Variants in RPS6KA3 observed in about 807,000 individuals in gnomAD.
RPS6KA3 encodes the protein ribosomal protein S6 kinase alpha-3.
A neutral mutation model predicts 67.2 loss-of-function variants in RPS6KA3; 4 were observed. The ratio of observed to expected loss-of-function variants is 0.06; its 90% CI spans 0.03 to 0.14. The LOEUF (loss-of-function observed/expected upper bound fraction) is 0.14. Among genes scored for constraint, RPS6KA3 ranks in the 10% least tolerant of loss-of-function variants. The pLI is 1.00. For missense variants in RPS6KA3, 204 were observed against 559.0 expected (o/e 0.36, Z 6.40); for synonymous variants, 182 against 183.7 (o/e 0.99, Z 0.07).
At chrX:20,232,620 C>T (rs1321123594) in intron 2 of RPS6KA3, among the ~76,000 whole-genome samples, 4 of 110,474 alleles carry the variant, frequency 3.6e-5, no homozygotes, top group Admixed American at 9.6e-5. Context: ...AAAAAACTTC[C>T]GTACATACTA....
chrX:20,153,735 T>G lies in RPS6KA3; in HGVS notation c.*1663A>C, dbSNP rs1236994869. 2 of 110,340 alleles carry G rather than the reference T, an allele frequency of 1.8e-5. No individual in the cohort carries two copies. Among genetic ancestry groups the G allele is most frequent in the African/African-American group, 6.6e-5 (2 of 30,184 alleles). The allele number at this position is 110,340 out of a possible 1,213,427, so 9.1% of individuals were successfully genotyped here. ...CCCAGGTTCAAGCGATTCTCCTGCC[T>G]CAGCCTCCTGAGTAGCTAGGATTAC... On this transcript the variant is annotated 3_prime_UTR_variant, in exon 22 of 22. Transcript: ENST00000379565.
Position 20,175,981 on chromosome X carries a change from G to A in RPS6KA3, c.1102+269C>T, listed in dbSNP as rs72620222. 3.0e-3 allele frequency among the ~76,000 whole-genome samples: 329 copies of A among 110,864 alleles called. 8 individuals are homozygous for A. The East Asian group carries it at 0.056, about 19-fold the overall frequency. On this transcript the variant is annotated intron_variant, in intron 13 of 21. Transcript: ENST00000379565. ...CACCTCCCAGGTTCAAGCGATTCTCGTGCCTCAGCCACCCAAGTAGCTGGG... is the reference window on the plus strand; with the variant it reads ...CACCTCCCAGGTTCAAGCGATTCTCATGCCTCAGCCACCCAAGTAGCTGGG...
At chrX:20,242,869 AT>A (rs1603430993) in intron 1 of RPS6KA3, among the ~76,000 whole-genome samples, 1 of 111,352 alleles carries the variant, frequency 9.0e-6, no homozygotes, top group Non-Finnish European at 1.9e-5. Flanking sequence ...AAGATTGGCC[AT>A]GAGTTTGATA....
chrX:20,245,159 G>A (rs773295602), intron 1 of RPS6KA3, among the ~76,000 whole-genome samples: 1 of 112,103 alleles, frequency 8.9e-6, no homozygotes, highest in Admixed American at 9.4e-5. Context: ...GCCTCTCTAA[G>A]TTGTGGTTGC....
chrX:20,237,207 A>G (rs1603430557), intron 1 of RPS6KA3, among the ~76,000 whole-genome samples: 2 of 110,993 alleles, frequency 1.8e-5, no homozygotes, highest in South Asian at 3.8e-4. Context: ...TCCCTCTCCT[A>G]TATTTGTCAT....
intron 10 of RPS6KA3, among the ~76,000 whole-genome samples, chrX:20,183,131 T>C (rs2067885462): frequency 9.0e-6 from 1 of 111,421 alleles, no homozygotes; most frequent in Admixed American, 9.6e-5. Flanking sequence ...TTCTTATTGA[T>C]TGGGGTTCTA....
chrX:20,240,666 T>A (rs2069528461), intron 1 of RPS6KA3: 1 of 160,501 alleles, frequency 6.2e-6, no homozygotes, highest in African/African-American at 3.2e-5. Context: ...TCATACTCAT[T>A]ATACTGAAAA....
chrX:20,232,096 G>T (rs899930351), intron 2 of RPS6KA3, among the ~76,000 whole-genome samples: 2 of 112,111 alleles, frequency 1.8e-5, no homozygotes, highest in African/African-American at 6.5e-5. Context: ...AGAAAAGTTA[G>T]ATTTCTACCT....
intron 2 of RPS6KA3, among the ~76,000 whole-genome samples, chrX:20,219,413 G>C (rs1385018526): frequency 8.9e-6 from 1 of 111,734 alleles, no homozygotes; most frequent in Non-Finnish European, 1.9e-5. Flanking sequence ...ATAACTATAG[G>C]TAGAAAATGA....
At chrX:20,196,508 T>C (rs186566769) in intron 4 of RPS6KA3, among the ~76,000 whole-genome samples, 69 of 112,252 alleles carry the variant, frequency 6.1e-4, no homozygotes, top group African/African-American at 2.1e-3. Context: ...AATAGGACAA[T>C]CTTTGGAGGA....
At chrX:20,182,267 C>T (rs1403753030) in intron 10 of RPS6KA3, among the ~76,000 whole-genome samples, 1 of 111,756 alleles carries the variant, frequency 8.9e-6, no homozygotes, top group Non-Finnish European at 1.9e-5. Flanking sequence ...TTTAGTTTTG[C>T]CTGCTTTGTA....
At chrX:20,185,401 T>C (rs984163009) in intron 10 of RPS6KA3, among the ~76,000 whole-genome samples, 1 of 111,028 alleles carries the variant, frequency 9.0e-6, no homozygotes, top group African/African-American at 3.3e-5. Flanking sequence ...GAGACAGGGT[T>C]TTGCTCTGTC....
intron 1 of RPS6KA3, among the ~76,000 whole-genome samples, chrX:20,245,168 G>A (rs1053127571): frequency 6.2e-5 from 7 of 112,003 alleles, no homozygotes; most frequent in African/African-American, 2.3e-4. Flanking sequence ...AGTTGTGGTT[G>A]CTTCATCCAT....
At chrX:20,207,636 T>C (rs1368872972) in intron 3 of RPS6KA3, among the ~76,000 whole-genome samples, 2 of 111,194 alleles carry the variant, frequency 1.8e-5, no homozygotes, top group Admixed American at 9.5e-5. Context: ...AGGAAGGAAA[T>C]GGGGATCCAA....
At chrX:20,160,465 C>T (rs1278737867) in intron 20 of RPS6KA3, among the ~76,000 whole-genome samples, 2 of 111,559 alleles carry the variant, frequency 1.8e-5, no homozygotes, top group East Asian at 2.8e-4. Context: ...CTTGCTCTGT[C>T]ACCCAGGCTG....
chrX:20,156,431 A>C (rs1240806932), intron 20 of RPS6KA3, among the ~76,000 whole-genome samples, 182 bp from the exon 21 acceptor site: 1 of 111,790 alleles, frequency 8.9e-6, no homozygotes, highest in Non-Finnish European at 1.9e-5. Context: ...CTGCTAAATA[A>C]CTGTAATTTG....
rs751517771 is a variant in RPS6KA3, at chrX:20,188,484, AT to A, written c.631+12del. ...GAGAAAATATTTTAATAAAACGAGG[AT>A]TTTTTTTTTACCTGTTAACTTGATG... On this transcript the variant is annotated intron_variant, in intron 8 of 21. Coordinates refer to ENST00000379565, the MANE Select transcript of RPS6KA3 (RefSeq NM_004586.3). 2.8e-3 allele frequency: 2,468 copies of A among 873,589 alleles called. No homozygotes were observed. Among genetic ancestry groups the A allele is most frequent in the Non-Finnish European group, 3.3e-3 (2,031 of 615,133 alleles). 72.0% of individuals were successfully genotyped at this position (873,589 alleles called of 1,213,427 possible). A position where few individuals can be genotyped will look rare whatever the true frequency, so the allele number is the denominator to read the frequency against.
chrX:20,184,397 CTTTTTTT>C (rs1176222205), intron 10 of RPS6KA3, among the ~76,000 whole-genome samples: 5 of 86,464 alleles, frequency 5.8e-5, no homozygotes, highest in Non-Finnish European at 1.2e-4. Flanking sequence ...CATTACTTTT[CTTTTTTT>C]TTTTTTTTTT....
At position 20,152,303 on chromosome X, in the gene RPS6KA3, TA is replaced by T. The variant is rs1255538559; in HGVS notation, c.*3094del. On this transcript the variant is annotated 3_prime_UTR_variant, in exon 22 of 22. Transcript: ENST00000379565. ...AACCAGAAAAAGCTGAAATGATTTA[TA>T]AAAAACAAAAATTAAAAAAGGATGA... The T allele has an allele frequency of 8.9e-6, 1 of 112,300 alleles. No homozygotes were observed. Among genetic ancestry groups the T allele is most frequent in the East Asian group, 2.8e-4 (1 of 3,624 alleles). The allele number at this position is 112,300 out of a possible 1,213,427, so 9.3% of individuals were successfully genotyped here. A position where few individuals can be genotyped will look rare whatever the true frequency, so the allele number is the denominator to read the frequency against.
Sources: gnomAD v4.1 joint callset for allele counts (sites outside exome capture counted in the v4.1 genomes callset) on GRCh38, gnomAD v4.1.1 for gene constraint, MANE v1.5 for transcripts, NCBI Gene and HGNC (gene_info 2026-07-23, HGNC 2026-07-21) for gene names.